Variants in SLC9A7 observed in about 807,000 individuals in gnomAD.
SLC9A7 encodes sodium/hydrogen exchanger 7.
A neutral mutation model predicts 52.6 loss-of-function variants in SLC9A7; 19 were observed. The observed-to-expected ratio is 0.36, with a 90% CI of 0.25 to 0.53. The LOEUF (loss-of-function observed/expected upper bound fraction) is 0.53. SLC9A7 is among the 20% of genes least tolerant of loss of function. The pLI is 0.91. For synonymous variants in SLC9A7, 226 were observed against 252.1 expected (o/e 0.90, Z 0.98); for missense variants, 455 against 597.9 (o/e 0.76, Z 2.49).
At chrX:46,704,802 G>T (rs1459129627) in intron 1 of SLC9A7, among the ~76,000 whole-genome samples, 1 of 111,021 alleles carries the variant, frequency 9.0e-6, no homozygotes, top group African/African-American at 3.3e-5. Flanking sequence ...GGAGACACAG[G>T]CCTGGCCGGG....
In SLC9A7 at chrX:46,602,063, A is replaced by C. The variant is rs77371203; in HGVS notation, c.*4889T>G. 9 of 108,071 alleles carry C rather than the reference A, an allele frequency of 8.3e-5. No individual in the cohort carries two copies. The highest frequency in any genetic ancestry group is 3.0e-4 in the African/African-American group (9 of 29,979). 8.9% of individuals were successfully genotyped at this position (108,071 alleles called of 1,213,427 possible). The stretch of plus-strand genomic sequence containing the variant: ...TTCCAGGTGAAATTAAAAAAAAAAA[A>C]CAAAACAGCTTCCCAGAAACCTTCA... On this transcript the variant is annotated 3_prime_UTR_variant, in exon 17 of 17. Transcript: ENST00000616978.
At position 46,669,592 on chromosome X, in the gene SLC9A7, C is replaced by T. The variant is rs1175843237; in HGVS notation, c.793+15G>A. The stretch of plus-strand genomic sequence containing the variant: ...AATATCATAATAATAAAGACAAATA[C>T]ACAAAGCCAAATACCTGGGTCAGTG... On this transcript the variant is annotated intron_variant, in intron 5 of 16. Transcript: ENST00000616978. 1 of 967,342 alleles carries T rather than the reference C, an allele frequency of 1.0e-6. No individual in the cohort carries two copies. Among genetic ancestry groups the T allele is most frequent in the Non-Finnish European group, 1.4e-6 (1 of 699,381 alleles). 79.7% of individuals were successfully genotyped at this position (967,342 alleles called of 1,213,427 possible). A position where few individuals can be genotyped will look rare whatever the true frequency, so the allele number is the denominator to read the frequency against.
chrX:46,713,810 C>T (rs768196961), intron 1 of SLC9A7, among the ~76,000 whole-genome samples: 3 of 109,897 alleles, frequency 2.7e-5, no homozygotes, highest in Non-Finnish European at 5.7e-5. Context: ...TTTCCTCTCC[C>T]TTCTTAATTA....
At chrX:46,720,018 C>G (rs1242762326) in intron 1 of SLC9A7, among the ~76,000 whole-genome samples, 2 of 111,466 alleles carry the variant, frequency 1.8e-5, no homozygotes, top group South Asian at 3.8e-4. Context: ...TTTCAGCCAG[C>G]CTTCTGACAA....
intron 7 of SLC9A7, among the ~76,000 whole-genome samples, chrX:46,656,479 A>T (rs1416871900): frequency 3.6e-5 from 4 of 112,543 alleles, no homozygotes; most frequent in Non-Finnish European, 5.6e-5. Context: ...TTTGAAAAAA[A>T]TTTAGAAGAA....
intron 14 of SLC9A7, among the ~76,000 whole-genome samples, chrX:46,629,910 A>G (rs1461898301): frequency 8.9e-6 from 1 of 111,931 alleles, no homozygotes; most frequent in African/African-American, 3.3e-5. Context: ...CCTTAATCAA[A>G]GCTAGAGTCA....
At chrX:46,662,494 G>C (rs759747232) in intron 6 of SLC9A7, 44 bp downstream of exon 6, 2 of 993,859 alleles carry the variant, frequency 2.0e-6, no homozygotes, top group South Asian at 4.0e-5. Context: ...AAAGCATAGA[G>C]GAAACTGGGG....
chrX:46,718,278 C>A (rs1478622723), intron 1 of SLC9A7, among the ~76,000 whole-genome samples: 2 of 111,757 alleles, frequency 1.8e-5, no homozygotes, highest in Admixed American at 1.9e-4. Context: ...CTTCCTTACA[C>A]CTTATACAAA....
intron 14 of SLC9A7, among the ~76,000 whole-genome samples, chrX:46,629,328 C>T (rs1943185852): frequency 8.9e-6 from 1 of 112,162 alleles, no homozygotes; most frequent in African/African-American, 3.2e-5. Context: ...GAGACTCACT[C>T]CACCTGGGGG....
chrX:46,606,571 A>T lies in SLC9A7; in HGVS notation c.*381T>A. The T allele has an allele frequency of 2.2e-5, 18 of 805,869 alleles. No homozygotes were observed. Among genetic ancestry groups the T allele is most frequent in the Non-Finnish European group, 2.7e-5 (18 of 672,281 alleles). The allele number at this position is 805,869 out of a possible 1,213,427, so 66.4% of individuals were successfully genotyped here. A position where few individuals can be genotyped will look rare whatever the true frequency, so the allele number is the denominator to read the frequency against. On this transcript the variant is annotated 3_prime_UTR_variant, in exon 17 of 17. Transcript: ENST00000616978. ...TAATTCTATGGTCAGCTTGACTTGCACTGCTGTGTACTGAGATGCAGCCTC... is the reference window on the plus strand; with the variant it reads ...TAATTCTATGGTCAGCTTGACTTGCTCTGCTGTGTACTGAGATGCAGCCTC...
At chrX:46,697,529 A>G (rs1468406718) in intron 1 of SLC9A7, among the ~76,000 whole-genome samples, 1 of 111,891 alleles carries the variant, frequency 8.9e-6, no homozygotes, top group Non-Finnish European at 1.9e-5. Flanking sequence ...CTAAACATAA[A>G]TTGTAAAGAT....
At chrX:46,718,404 A>G (rs1321066541) in intron 1 of SLC9A7, among the ~76,000 whole-genome samples, 1 of 112,315 alleles carries the variant, frequency 8.9e-6, no homozygotes, top group Non-Finnish European at 1.9e-5. Flanking sequence ...CTTCATGTCT[A>G]AAACACCAAA....
intron 1 of SLC9A7, among the ~76,000 whole-genome samples, chrX:46,745,505 A>G (rs1349612620): frequency 8.9e-6 from 1 of 111,992 alleles, no homozygotes; most frequent in East Asian, 2.8e-4. Flanking sequence ...GGAGGCTGAG[A>G]CACTGGATAT....
At chrX:46,632,679 C>A (rs1943241707) in intron 13 of SLC9A7, among the ~76,000 whole-genome samples, 1 of 111,809 alleles carries the variant, frequency 8.9e-6, no homozygotes, top group Admixed American at 9.5e-5. Context: ...TGCTGCAAAA[C>A]CCCATCACAG....
intron 7 of SLC9A7, 60 bp from the exon 8 acceptor site, chrX:46,653,774 T>C: frequency 1.1e-6 from 1 of 903,601 alleles, no homozygotes. Flanking sequence ...CCAAGAACCA[T>C]ACTCCACTAG....
In SLC9A7 at chrX:46,754,553, C is replaced by A. The variant is rs541243760; in HGVS notation, c.325+4152G>T. 2.4e-4 allele frequency among the ~76,000 whole-genome samples: 27 copies of A among 111,685 alleles called. No individual in the cohort carries two copies. In the South Asian group the frequency reaches 8.2e-3, roughly 34 times the overall value. ...ATTTCATGTTACCGCAAAGAGTCAT[C>A]TTTTTCCCCTTCAGACTCTGCCTAT... On this transcript the variant is annotated intron_variant, in intron 1 of 16. Coordinates refer to ENST00000616978, the MANE Select transcript of SLC9A7 (RefSeq NM_001257291.2).
At chrX:46,641,592 A>G (rs1017635015) in intron 12 of SLC9A7, among the ~76,000 whole-genome samples, 1 of 112,238 alleles carries the variant, frequency 8.9e-6, no homozygotes, top group African/African-American at 3.2e-5. Context: ...CTTAAGTTTA[A>G]AAGTAAGAGA....
At chrX:46,663,638 CAAAA>C (rs1315683837) in intron 5 of SLC9A7, among the ~76,000 whole-genome samples, 1 of 24,603 alleles carries the variant, frequency 4.1e-5, no homozygotes, top group Non-Finnish European at 6.5e-5. Context: ...AACTCCATCT[CAAAA>C]AAAAAAAAAA....
chrX:46,718,919 C>T (rs1602267383), intron 1 of SLC9A7, among the ~76,000 whole-genome samples: 1 of 111,806 alleles, frequency 8.9e-6, no homozygotes, highest in Admixed American at 9.4e-5. Flanking sequence ...ACTAGATATA[C>T]CATTTGACCC....
Sources: gnomAD v4.1 joint callset for allele counts (sites outside exome capture counted in the v4.1 genomes callset) on GRCh38, gnomAD v4.1.1 for gene constraint, MANE v1.5 for transcripts, NCBI Gene and HGNC (gene_info 2026-07-23, HGNC 2026-07-21) for gene names.